Variants in DOCK2 observed in about 807,000 individuals in gnomAD.
The protein encoded by DOCK2 is dedicator of cytokinesis protein 2.
A neutral mutation model predicts 248.9 loss-of-function variants in DOCK2; 87 were observed. The observed-to-expected ratio is 0.35, with a 90% confidence interval of 0.29 to 0.42. The LOEUF (loss-of-function observed/expected upper bound fraction) is 0.42. DOCK2 is among the 10% of genes least tolerant of loss of function. DOCK2 has a pLI of 1.00. For synonymous variants in DOCK2, 805 were observed against 821.6 expected, an observed-to-expected ratio of 0.98 and a Z score of 0.35; for missense variants, 1,747 against 2,300.2, an observed-to-expected ratio of 0.76 and a Z score of 4.92.
intron 26 of DOCK2, among the ~76,000 whole-genome samples, chr5:169,810,969 AGACTCTCTCT>A (rs1485977924): frequency 8.1e-6 from 1 of 123,308 alleles, no homozygotes; most frequent in African/African-American, 3.5e-5. Flanking sequence ...ACACACACAC[AGACTCTCTCT>A]CTCTCTCTCT....
chr5:169,663,279 T>C lies in DOCK2; in HGVS notation c.128-6009T>C, dbSNP rs77790041. The stretch of plus-strand genomic sequence containing the variant: ...GCTCTCCCTCTGTGGCATTGCAGGG[T>C]ACAGACCCCACAGCTTCTTTCACAA... On this transcript the variant is annotated intron_variant, in intron 2 of 51. Transcript: ENST00000520908. 9.6e-3 allele frequency among the ~76,000 whole-genome samples: 1,457 copies of C among 152,284 alleles called. 23 individuals are homozygous for C. The highest frequency in any genetic ancestry group is 0.032 in the African/African-American group (1,339 of 41,556).
intron 27 of DOCK2, among the ~76,000 whole-genome samples, chr5:169,952,588 G>A (rs1353219090): frequency 6.6e-6 from 1 of 152,038 alleles, no homozygotes; most frequent in Non-Finnish European, 1.5e-5. Flanking sequence ...AGACTGTACA[G>A]GAGTCAATAC....
rs1195573580 is a variant in DOCK2 at position 169,906,315 on chromosome 5, G to T, written c.2799+65463G>T. Reference sequence around the variant, plus strand: ...GTACTGACTACTGATTATTTCAAAGGCTCCCAAGCCAGTGTGTGCACATGG... The same window carrying T: ...GTACTGACTACTGATTATTTCAAAGTCTCCCAAGCCAGTGTGTGCACATGG... On this transcript the variant is annotated intron_variant, in intron 27 of 51. Coordinates refer to ENST00000520908, the MANE Select transcript of DOCK2 (RefSeq NM_004946.3). Among the ~76,000 whole-genome samples the T allele has an allele frequency of 2.0e-5, 3 of 152,128 alleles. No individual in the cohort carries two copies. The East Asian group carries it at 5.8e-4, about 29-fold the overall frequency.
At chr5:169,767,849 A>G (rs17669613) in intron 25 of DOCK2, among the ~76,000 whole-genome samples, 14,002 of 152,318 alleles carry the variant, frequency 0.092, 1,136 homozygotes, top group Admixed American at 0.28. Context: ...CTAATGGCCT[A>G]GAAAGTTAAG....
chr5:169,784,718 TAA>T (rs565368195), intron 25 of DOCK2, among the ~76,000 whole-genome samples: 64 of 152,360 alleles, frequency 4.2e-4, no homozygotes, highest in African/African-American at 1.5e-3. Context: ...GTATTTAATA[TAA>T]GTGTTTATTT....
chr5:169,655,756 G>T (rs1194533717), intron 2 of DOCK2, among the ~76,000 whole-genome samples: 1 of 152,158 alleles, frequency 6.6e-6, no homozygotes, highest in Non-Finnish European at 1.5e-5. Flanking sequence ...GCATACCTGT[G>T]CATGTAGATA....
chr5:169,707,096 A>G (rs1344735131), intron 14 of DOCK2, among the ~76,000 whole-genome samples: 2 of 152,178 alleles, frequency 1.3e-5, no homozygotes, highest in Non-Finnish European at 2.9e-5. Context: ...GAGGATTGAA[A>G]ATTGTTTGGC....
chr5:170,066,635 CGT>C (rs1353356720), intron 44 of DOCK2, among the ~76,000 whole-genome samples: 4 of 152,164 alleles, frequency 2.6e-5, no homozygotes, highest in Non-Finnish European at 5.9e-5. Flanking sequence ...CAGTATAGAT[CGT>C]GTGTTAGACC....
chr5:169,683,432 T>C (rs1340447461), intron 7 of DOCK2, among the ~76,000 whole-genome samples: 1 of 152,106 alleles, frequency 6.6e-6, no homozygotes, highest in Admixed American at 6.6e-5. Context: ...GTTTTCACTA[T>C]GTTGCCGAGG....
intron 32 of DOCK2, among the ~76,000 whole-genome samples, chr5:170,013,115 G>T (rs539471891): frequency 2.6e-5 from 4 of 152,126 alleles, no homozygotes; most frequent in Non-Finnish European, 5.9e-5. Context: ...TTCTGAATTG[G>T]AAGGAGGACC....
At chr5:169,707,826 A>G (rs1362943157) in intron 14 of DOCK2, among the ~76,000 whole-genome samples, 1 of 152,226 alleles carries the variant, frequency 6.6e-6, no homozygotes, top group Admixed American at 6.5e-5. Flanking sequence ...ATTCACATTT[A>G]GGAAACAAAT....
intron 27 of DOCK2, among the ~76,000 whole-genome samples, chr5:169,904,235 A>G (rs261050): frequency 0.48 from 73,393 of 152,032 alleles, 19,034 homozygotes; most frequent in African/African-American, 0.69. Flanking sequence ...TTCCCAAGAG[A>G]CAGTACTGCT....
chr5:169,638,088 G>C (rs1756939827), intron 1 of DOCK2, among the ~76,000 whole-genome samples: 1 of 152,190 alleles, frequency 6.6e-6, no homozygotes, highest in East Asian at 1.9e-4. Context: ...AGTGTCATCC[G>C]TGGTGCAATC....
In DOCK2 at chr5:169,903,075, C is replaced by T. The variant is rs1448535310; in HGVS notation, c.2799+62223C>T. Reference sequence around the variant, plus strand: ...ATCACGCCACTGTACTCCAGCCTGGCGACAGAGCAAGACTCCATCTCAAAA... The same window carrying T: ...ATCACGCCACTGTACTCCAGCCTGGTGACAGAGCAAGACTCCATCTCAAAA... On this transcript the variant is annotated intron_variant, in intron 27 of 51. Coordinates refer to ENST00000520908, the MANE Select transcript of DOCK2 (RefSeq NM_004946.3). 4.0e-5 allele frequency among the ~76,000 whole-genome samples: 6 copies of T among 150,334 alleles called. No individual in the cohort carries two copies. The East Asian group carries it at 9.8e-4, about 25-fold the overall frequency.
chr5:169,749,708 T>C (rs1034423405), intron 23 of DOCK2, among the ~76,000 whole-genome samples: 13 of 152,252 alleles, frequency 8.5e-5, no homozygotes, highest in Non-Finnish European at 4.4e-5. Context: ...CTGTTCTTTA[T>C]ACTGTTTCTT....
chr5:169,866,303 G>C (rs1771553290), intron 27 of DOCK2, among the ~76,000 whole-genome samples: 1 of 152,056 alleles, frequency 6.6e-6, no homozygotes, highest in Non-Finnish European at 1.5e-5. Context: ...TATTAAATTA[G>C]AATTGTATTG....
chr5:169,906,823 G>A (rs2113604869), intron 27 of DOCK2, among the ~76,000 whole-genome samples: 1 of 152,318 alleles, frequency 6.6e-6, no homozygotes, highest in East Asian at 1.9e-4. Context: ...AGTCTATAGG[G>A]AAATTAGGGC....
intron 27 of DOCK2, among the ~76,000 whole-genome samples, chr5:169,937,546 C>T (rs997526048): frequency 6.6e-6 from 1 of 152,196 alleles, no homozygotes; most frequent in African/African-American, 2.4e-5. Context: ...ATAATAGGAA[C>T]ATATATTGAG....
rs549537882 is a variant in DOCK2 at position 169,934,086 on chromosome 5, A to G, written c.2800-48982A>G. On this transcript the variant is annotated intron_variant, in intron 27 of 51. Coordinates refer to ENST00000520908, the MANE Select transcript of DOCK2 (RefSeq NM_004946.3). ...TGATCAGTGGTCACATTTGTAGCAC[A>G]CCTCATGTCTGTGGGAGGTAGCTGT... Among the ~76,000 whole-genome samples, 2 of 152,286 alleles carry G rather than the reference A, an allele frequency of 1.3e-5. 1 individual carries two copies. Among genetic ancestry groups the G allele is most frequent in the South Asian group, 4.1e-4 (2 of 4,828 alleles).
Sources: allele counts gnomAD v4.1 joint callset (sites outside exome capture counted in the v4.1 genomes callset), GRCh38; gene constraint gnomAD v4.1.1; transcripts MANE v1.5; gene names NCBI Gene and HGNC (gene_info 2026-07-23, HGNC 2026-07-21).